Variants in ANKS1A observed in about 807,000 individuals in gnomAD.
ANKS1A encodes the protein ankyrin repeat and SAM domain-containing protein 1A.
ANKS1A carries 55 observed loss-of-function variants against 120.3 expected under a neutral mutation model. That is an observed-to-expected ratio of 0.46 (90% CI 0.37 to 0.57). The LOEUF (loss-of-function observed/expected upper bound fraction) is 0.57. Ranked by LOEUF, ANKS1A falls within the 20% of genes least tolerant of loss-of-function variation. The pLI, the probability that ANKS1A is intolerant of heterozygous loss-of-function variation, is 0.00. For synonymous variants in ANKS1A, 590 were observed against 604.7 expected (o/e 0.98, Z 0.36); for missense variants, 1,123 against 1,480.3 (o/e 0.76, Z 3.96).
intron 11 of ANKS1A, among the ~76,000 whole-genome samples, chr6:35,034,390 T>C (rs1456207966): frequency 6.6e-6 from 1 of 152,118 alleles, no homozygotes; most frequent in Non-Finnish European, 1.5e-5. Flanking sequence ...CCCAGCCTTG[T>C]TTTTCAGGGA....
chr6:35,065,417 T>G (rs1310868328), intron 13 of ANKS1A, among the ~76,000 whole-genome samples: 2 of 152,254 alleles, frequency 1.3e-5, no homozygotes, highest in Non-Finnish European at 2.9e-5. Flanking sequence ...TTGGACTGGC[T>G]GACAGATCCT....
chr6:34,977,645 C>T (rs1433735408), intron 3 of ANKS1A, among the ~76,000 whole-genome samples: 1 of 152,154 alleles, frequency 6.6e-6, no homozygotes, highest in Non-Finnish European at 1.5e-5. Flanking sequence ...CCTAAACCTT[C>T]CATTTTTTTT....
chr6:35,076,969 C>T (rs58707510), intron 13 of ANKS1A, among the ~76,000 whole-genome samples: 15,331 of 152,034 alleles, frequency 0.1, 961 homozygotes, highest in East Asian at 0.34. Flanking sequence ...GCAGGTCCAG[C>T]GTGGAGTAGG....
chr6:34,901,493 G>A (rs774031767), intron 1 of ANKS1A, among the ~76,000 whole-genome samples: 11 of 152,074 alleles, frequency 7.2e-5, no homozygotes, highest in Non-Finnish European at 1.6e-4. Flanking sequence ...GCTTAGAACT[G>A]GGCTGAGGTG....
rs1457413657 is a variant in ANKS1A at position 35,082,180 on chromosome 6, G to A, written c.2710-511G>A. On this transcript the variant is annotated intron_variant, in intron 17 of 23. Coordinates refer to ENST00000360359, the MANE Select transcript of ANKS1A (RefSeq NM_015245.3). The surrounding 1 kb of genome is among the most constrained non-coding windows in gnomAD (Gnocchi z 4.1). ...CATGATCTCTCACCTGGACCGCAGT[G>A]GCCTCCCCCACCCCCTAGCTGCTGC... 6.6e-6 allele frequency among the ~76,000 whole-genome samples: 1 copy of A among 152,004 alleles called. No individual in the cohort carries two copies. Among genetic ancestry groups the A allele is most frequent in the Non-Finnish European group, 1.5e-5 (1 of 67,978 alleles).
rs539597882 is a variant in ANKS1A, at chr6:34,914,274, G to T, written c.197+24675G>T. On this transcript the variant is annotated intron_variant, in intron 1 of 23. Transcript: ENST00000360359. ...TCAGGAAGCATGACATCTACCCAAA[G>T]AAATTTATGTAGACATTTAAAAAAT... Among the ~76,000 whole-genome samples the T allele has an allele frequency of 2.0e-5, 3 of 152,278 alleles. No individual in the cohort carries two copies. The East Asian group carries it at 5.8e-4, about 29-fold the overall frequency.
chr6:34,943,702 C>A (rs1334939571), intron 1 of ANKS1A, among the ~76,000 whole-genome samples: 1 of 152,200 alleles, frequency 6.6e-6, no homozygotes, highest in Non-Finnish European at 1.5e-5. Flanking sequence ...TCCATCCTGG[C>A]TTCTTTCACC....
chr6:35,070,963 C>T, intron 13 of ANKS1A: 3 of 594,248 alleles, frequency 5.0e-6, no homozygotes, highest in East Asian at 4.2e-5. Flanking sequence ...CAACCACTTT[C>T]CAGGGTTTCC....
At chr6:34,978,396 AC>A (rs1771718743) in intron 3 of ANKS1A, among the ~76,000 whole-genome samples, 1 of 152,184 alleles carries the variant, frequency 6.6e-6, no homozygotes. Flanking sequence ...TATTGTGAAC[AC>A]CTGTAGTGAG....
chr6:34,939,270 G>T (rs940700757), intron 1 of ANKS1A, among the ~76,000 whole-genome samples: 16 of 152,114 alleles, frequency 1.1e-4, no homozygotes, highest in Admixed American at 2.0e-4. Context: ...AGATCAGAAT[G>T]CACACCTCCT....
At chr6:35,031,809 G>A (rs968063886) in intron 11 of ANKS1A, among the ~76,000 whole-genome samples, 1 of 151,870 alleles carries the variant, frequency 6.6e-6, no homozygotes, top group African/African-American at 2.4e-5. Context: ...ACCAGAGAAT[G>A]AGCCCATGGC....
At chr6:35,031,593 A>G (rs1774913571) in intron 11 of ANKS1A, among the ~76,000 whole-genome samples, 1 of 152,032 alleles carries the variant, frequency 6.6e-6, no homozygotes, top group African/African-American at 2.4e-5. Context: ...TCTCTCCTCC[A>G]TTCAGACTCA....
At chr6:34,978,069 C>T (rs966241965) in intron 3 of ANKS1A, among the ~76,000 whole-genome samples, 2 of 152,072 alleles carry the variant, frequency 1.3e-5, no homozygotes, top group African/African-American at 4.8e-5. Flanking sequence ...AGCGATTCTC[C>T]TGCCTCAGCA....
At chr6:34,933,660 A>T (rs898187000) in intron 1 of ANKS1A, among the ~76,000 whole-genome samples, 1 of 152,230 alleles carries the variant, frequency 6.6e-6, no homozygotes, top group Non-Finnish European at 1.5e-5. Flanking sequence ...AAATAAATTT[A>T]TACATGGAAA....
At chr6:34,948,415 G>T (rs1769910689) in intron 1 of ANKS1A, among the ~76,000 whole-genome samples, 1 of 152,130 alleles carries the variant, frequency 6.6e-6, no homozygotes, top group Non-Finnish European at 1.5e-5. Flanking sequence ...AGCCACTTTG[G>T]CTACATAGAA....
At chr6:35,019,855 G>C (rs931270137) in intron 11 of ANKS1A, among the ~76,000 whole-genome samples, 1 of 152,154 alleles carries the variant, frequency 6.6e-6, no homozygotes, top group Non-Finnish European at 1.5e-5. Flanking sequence ...ATCAGTGGGT[G>C]GGGGAGTGGA....
At chr6:34,994,880 C>T (rs1261363187) in intron 10 of ANKS1A, among the ~76,000 whole-genome samples, 1 of 152,212 alleles carries the variant, frequency 6.6e-6, no homozygotes, top group Non-Finnish European at 1.5e-5. Context: ...CACCCTGTAA[C>T]TAGAGTGCTC....
At position 35,060,075 on chromosome 6, in the gene ANKS1A, C is replaced by A; in HGVS notation, c.2078-72C>A. On this transcript the variant is annotated intron_variant, in intron 12 of 23. Transcript: ENST00000360359. This position sits in a 1 kb window ranked among gnomAD's most constrained non-coding sequence, Gnocchi z 4.5. ...ATGATGTGGCAATGCCATCTATCTT[C>A]CTCTGAGTGCCGCTGCTACCGCCTT... 2 of 1,258,824 alleles carry A rather than the reference C, an allele frequency of 1.6e-6. No homozygotes were observed. Among genetic ancestry groups the A allele is most frequent in the South Asian group, 1.3e-5 (1 of 78,302 alleles). 78.0% of individuals were successfully genotyped at this position (1,258,824 alleles called of 1,614,324 possible).
At chr6:35,031,472 A>T (rs150714880) in intron 11 of ANKS1A, among the ~76,000 whole-genome samples, 199 of 152,218 alleles carry the variant, frequency 1.3e-3, no homozygotes, top group Non-Finnish European at 2.1e-3. Context: ...TGTCTAAATG[A>T]CCCTGAGCCA....
Sources: gnomAD v4.1 joint callset for allele counts (sites outside exome capture counted in the v4.1 genomes callset) on GRCh38, gnomAD v4.1.1 for gene constraint, Gnocchi (gnomAD v3.1) non-coding constraint, MANE v1.5 for transcripts, NCBI Gene and HGNC (gene_info 2026-07-23, HGNC 2026-07-21) for gene names.